Variants in RAP1GDS1 observed in about 807,000 individuals in gnomAD.
The protein encoded by RAP1GDS1 is RAP1, GTP-GDP dissociation stimulator 1.
In RAP1GDS1, 35 loss-of-function variants were observed where a neutral mutation model predicts 71.1. That is an observed-to-expected ratio of 0.49 (90% confidence interval 0.38 to 0.65). RAP1GDS1 has a LOEUF of 0.65. Among genes scored for constraint, RAP1GDS1 ranks in the 30% least tolerant of loss-of-function variants. The pLI is 0.00. For missense variants in RAP1GDS1, 663 were observed against 706.1 expected (o/e 0.94, Z 0.69); for synonymous variants, 229 against 243.1 (o/e 0.94, Z 0.54).
intron 4 of RAP1GDS1, among the ~76,000 whole-genome samples, chr4:98,367,789 G>T (rs1302934515): frequency 2.6e-5 from 4 of 152,190 alleles, no homozygotes; most frequent in Non-Finnish European, 5.9e-5. Context: ...CATTTGGAAT[G>T]GTTGTGTTTA....
chr4:98,335,106 C>G (rs1734526161), intron 2 of RAP1GDS1, among the ~76,000 whole-genome samples: 1 of 152,050 alleles, frequency 6.6e-6, no homozygotes, highest in African/African-American at 2.4e-5. Context: ...GCTGAAGTCC[C>G]CTAGAACCTG....
intron 12 of RAP1GDS1, among the ~76,000 whole-genome samples, chr4:98,429,138 G>A (rs1455910672): frequency 1.3e-5 from 2 of 151,980 alleles, no homozygotes; most frequent in African/African-American, 4.8e-5. Context: ...GGCGCCTGTA[G>A]TCCCAGCTAC....
intron 5 of RAP1GDS1, among the ~76,000 whole-genome samples, chr4:98,379,930 G>A (rs1560929902): frequency 6.6e-6 from 1 of 151,790 alleles, no homozygotes; most frequent in African/African-American, 2.4e-5. Flanking sequence ...TTTAAGTTGT[G>A]ATATTTTGGC....
At chr4:98,285,760 C>G (rs1290676696) in intron 1 of RAP1GDS1, among the ~76,000 whole-genome samples, 1 of 145,630 alleles carries the variant, frequency 6.9e-6, no homozygotes, top group Non-Finnish European at 1.5e-5. Context: ...TTATGATTTC[C>G]TAAAATAATA....
intron 1 of RAP1GDS1, among the ~76,000 whole-genome samples, chr4:98,280,515 T>C (rs1465341413): frequency 6.6e-6 from 1 of 152,202 alleles, no homozygotes; most frequent in Admixed American, 6.5e-5. Context: ...ATTAGCCCTT[T>C]GTCAGATGGG....
In RAP1GDS1 at chr4:98,442,107, T is replaced by G. The variant is rs979629931; in HGVS notation, c.1814T>G (p.Val605Gly). 5.0e-6 allele frequency: 8 copies of G among 1,613,226 alleles called. 1 individual carries two copies. In the South Asian group the frequency reaches 7.7e-5, roughly 15 times the overall value. The change falls in exon 15 of 15, where the codon GTG (valine) becomes GGG (glycine). Residue 605 changes from valine (V) to glycine (G), a missense_variant. Val to Gly is a moderately radical substitution (Grantham distance 109). Transcript: ENST00000408927. Reference sequence around the variant, plus strand: ...TCTCTCACAGAGCAGAGACTTACTGTGGAAAGCTGAGAACTGCCCGATACA... The same window carrying G: ...TCTCTCACAGAGCAGAGACTTACTGGGGAAAGCTGAGAACTGCCCGATACA... ...QASLTEQRLT[V>G]ES
At chr4:98,318,356 A>T (rs931039465) in intron 2 of RAP1GDS1, among the ~76,000 whole-genome samples, 1 of 152,208 alleles carries the variant, frequency 6.6e-6, no homozygotes, top group Non-Finnish European at 1.5e-5. Context: ...TTTCCGGTAC[A>T]TACATACTTG....
At chr4:98,283,604 A>G (rs1725519314) in intron 1 of RAP1GDS1, among the ~76,000 whole-genome samples, 1 of 152,172 alleles carries the variant, frequency 6.6e-6, no homozygotes, top group Non-Finnish European at 1.5e-5. Flanking sequence ...ACCCCTAAGA[A>G]TTTAATTAAG....
chr4:98,436,157 AT>A (rs1751112114), intron 13 of RAP1GDS1, among the ~76,000 whole-genome samples: 1 of 151,850 alleles, frequency 6.6e-6, no homozygotes, highest in Non-Finnish European at 1.5e-5. Flanking sequence ...TGGATGTCTA[AT>A]TGTACTAGCA....
chr4:98,419,962 A>G (rs1234052362), intron 10 of RAP1GDS1, 57 bp from the exon 11 acceptor site: 3 of 1,450,712 alleles, frequency 2.1e-6, no homozygotes, highest in East Asian at 2.4e-5. Flanking sequence ...ATTGAATTGA[A>G]TGTTTATCAA....
intron 2 of RAP1GDS1, among the ~76,000 whole-genome samples, chr4:98,333,013 C>T (rs186598808): frequency 5.9e-5 from 9 of 152,218 alleles, no homozygotes; most frequent in East Asian, 3.9e-4. Flanking sequence ...TCTTAAATAA[C>T]GCACCATCTT....
intron 14 of RAP1GDS1, among the ~76,000 whole-genome samples, chr4:98,438,778 A>G (rs1751509569): frequency 6.6e-6 from 1 of 151,454 alleles, no homozygotes; most frequent in Admixed American, 6.6e-5. Flanking sequence ...TATTTTTAGT[A>G]CAGGCGGGGT....
chr4:98,300,079 T>A (rs1470351309), intron 2 of RAP1GDS1, among the ~76,000 whole-genome samples: 2 of 152,172 alleles, frequency 1.3e-5, no homozygotes, highest in Non-Finnish European at 2.9e-5. Flanking sequence ...ATAGGTGAAA[T>A]GCTATCGAAC....
chr4:98,390,707 C>T (rs1743483190), intron 5 of RAP1GDS1, among the ~76,000 whole-genome samples: 1 of 152,088 alleles, frequency 6.6e-6, no homozygotes, highest in African/African-American at 2.4e-5. Context: ...GAAAATCACC[C>T]ACCTGCTTCC....
In RAP1GDS1 at chr4:98,418,662, A is replaced by C; in HGVS notation, c.1045A>C (p.Asn349His). 6.3e-7 allele frequency: 1 copy of C among 1,585,806 alleles called. No individual in the cohort carries two copies. The highest frequency in any genetic ancestry group is 1.4e-5 in the African/African-American group (1 of 73,004). ...AIANFARNDA[N>H]CIHMVDNGIV... ...ATGTGTGTTTTTTTTTTCAGATGCA[A>C]ATTGTATTCATATGGTAGACAATGG... is the stretch of plus-strand genomic sequence containing the variant. The change falls in exon 10 of 15, where the codon AAT (asparagine) becomes CAT (histidine). Residue 349 changes from asparagine to histidine, a missense_variant. Coordinates refer to ENST00000408927, the MANE Select transcript of RAP1GDS1 (RefSeq NM_001100427.2).
In RAP1GDS1 at chr4:98,327,884, T is replaced by C. The variant is rs747827854; in HGVS notation, c.113-15255T>C. Among the ~76,000 whole-genome samples the C allele has an allele frequency of 5.2e-4, 79 of 152,214 alleles. 1 individual carries two copies. Among genetic ancestry groups the C allele is most frequent in the Admixed American group, 2.3e-3 (35 of 15,278 alleles). On this transcript the variant is annotated intron_variant, in intron 2 of 14. Coordinates refer to ENST00000408927, the MANE Select transcript of RAP1GDS1 (RefSeq NM_001100427.2). Reference sequence around the variant, plus strand: ...TCTGTTTTGTAGGTGCTTGCTGTCATCTCAAAGTGCTGAGCTAGTATTATT... The same window carrying C: ...TCTGTTTTGTAGGTGCTTGCTGTCACCTCAAAGTGCTGAGCTAGTATTATT...
At chr4:98,327,306 C>T (rs540278115) in intron 2 of RAP1GDS1, among the ~76,000 whole-genome samples, 1 of 152,010 alleles carries the variant, frequency 6.6e-6, no homozygotes, top group African/African-American at 2.4e-5. Context: ...TACAGGAAAA[C>T]AAAGGTTTTT....
chr4:98,349,242 G>A (rs1736772175), intron 3 of RAP1GDS1, among the ~76,000 whole-genome samples: 1 of 152,110 alleles, frequency 6.6e-6, no homozygotes, highest in African/African-American at 2.4e-5. Flanking sequence ...CCTATTTCTT[G>A]TTTTTGTCAG....
intron 1 of RAP1GDS1, among the ~76,000 whole-genome samples, chr4:98,284,375 A>G (rs956538687): frequency 6.6e-6 from 1 of 152,118 alleles, no homozygotes; most frequent in African/African-American, 2.4e-5. Flanking sequence ...TTTCAACCCC[A>G]AGTAATTTTA....
Sources: gnomAD v4.1 joint callset for allele counts (sites outside exome capture counted in the v4.1 genomes callset) on GRCh38, gnomAD v4.1.1 for gene constraint, MANE v1.5 for transcripts, NCBI Gene and HGNC (gene_info 2026-07-23, HGNC 2026-07-21) for gene names.